The following MADCAM1 variants were observed in gnomAD, a reference collection of about 807,000 sequenced individuals.
MADCAM1 encodes the protein mucosal vascular addressin cell adhesion molecule 1.
In MADCAM1, 19 loss-of-function variants were observed where a neutral mutation model predicts 26.1. That is an observed-to-expected ratio of 0.73 (90% confidence interval 0.51 to 1.07). The LOEUF (loss-of-function observed/expected upper bound fraction) is 1.07, where lower values mean the gene tolerates loss of function less well. Ranked by LOEUF, MADCAM1 falls within the 50% of genes least tolerant of loss-of-function variation. MADCAM1 has a pLI of 0.00. For synonymous variants in MADCAM1, 268 were observed against 260.9 expected, an observed-to-expected ratio of 1.03 and a Z score of -0.26; for missense variants, 514 against 542.1, an observed-to-expected ratio of 0.95 and a Z score of 0.51.
chr19:497,897 G>T lies in MADCAM1; in HGVS notation c.117G>T (p.Leu39Phe). The T allele has an allele frequency of 1.5e-6, 2 of 1,366,722 alleles. No individual in the cohort carries two copies. The highest frequency in any genetic ancestry group is 1.9e-6 in the Non-Finnish European group (2 of 1,067,252). 84.7% of individuals were successfully genotyped at this position (1,366,722 alleles called of 1,614,324 possible). The change falls in exon 2 of 5, where the codon TTG becomes TTT. Residue 39 changes from leucine to phenylalanine, a missense_variant. Leu to Phe is a conservative substitution (Grantham distance 22, BLOSUM62 0). Coordinates refer to ENST00000215637, the MANE Select transcript of MADCAM1 (RefSeq NM_130760.3). The stretch of plus-strand genomic sequence containing the variant: ...CGGAGCCGGTGGTGGCCGTGGCCTT[G>T]GGCGCCTCGCGCCAGCTCACCTGCC... ...EPPEPVVAVA[L>F]GASRQLTCRL... is the part of the protein sequence containing the mutation.
chr19:503,396 A>T (rs900651280), intron 4 of MADCAM1, among the ~76,000 whole-genome samples: 1 of 151,246 alleles, frequency 6.6e-6, no homozygotes, highest in Non-Finnish European at 1.5e-5. Flanking sequence ...CCTGGCTAAC[A>T]CGGTGAAACC....
chr19:504,710 G>A, intron 4 of MADCAM1, 35 bp from the exon 5 acceptor site: 4 of 1,505,870 alleles, frequency 2.7e-6, no homozygotes, highest in East Asian at 4.6e-5. Flanking sequence ...AGGCCTGGAG[G>A]GCTCTGACCG....
At chr19:503,979 C>T (rs957858287) in intron 4 of MADCAM1, among the ~76,000 whole-genome samples, 1 of 150,882 alleles carries the variant, frequency 6.6e-6, no homozygotes, top group Non-Finnish European at 1.5e-5. Context: ...CACTTGAACC[C>T]GGGAGGCGGA....
chr19:499,491 C>G (rs1003017659), intron 3 of MADCAM1, among the ~76,000 whole-genome samples: 7 of 152,150 alleles, frequency 4.6e-5, no homozygotes, highest in African/African-American at 1.7e-4. Flanking sequence ...CAAGCACACA[C>G]GGGAACAAAC....
At chr19:498,189 T>G in intron 2 of MADCAM1, 72 bp downstream of exon 2, 1 of 1,284,276 alleles carries the variant, frequency 7.8e-7, no homozygotes. Context: ...CACCTCTTCC[T>G]GGAAGCCTCC....
chr19:497,779 G>T (rs1481221106), intron 1 of MADCAM1, 54 bp from the exon 2 acceptor site: 1 of 1,228,780 alleles, frequency 8.1e-7, no homozygotes, highest in Admixed American at 4.3e-5. Flanking sequence ...AGGGCCGGTG[G>T]CGGGGCGGGG....
At chr19:498,446 G>C (rs1307008487) in intron 2 of MADCAM1, 50 bp from the exon 3 acceptor site, 1 of 1,424,758 alleles carries the variant, frequency 7.0e-7, no homozygotes, top group South Asian at 1.7e-5. Context: ...CCTCCATCAC[G>C]TCCAGCCCTG....
Position 498,344 on chromosome 19 carries a change from C to T in MADCAM1, c.338-152C>T, listed in dbSNP as rs372274141. 2,799 of 932,440 alleles carry T rather than the reference C, an allele frequency of 3.0e-3. 121 individuals carry two copies. In the South Asian group the frequency reaches 0.076, roughly 25 times the overall value. The allele number at this position is 932,440 out of a possible 1,614,324, so 57.8% of individuals were successfully genotyped here. On this transcript the variant is annotated intron_variant, in intron 2 of 4. Transcript: ENST00000215637. ...ATTCCAGCCTCCCAGGGTGGGGCCA[C>T]GGGGCCTGCGCACAGGCCGTCCCTA... is the stretch of plus-strand genomic sequence containing the variant.
Position 498,078 on chromosome 19 carries a change from G to A in MADCAM1, c.298G>A (p.Gly100Ser). Residue 100 changes from glycine to serine, a missense_variant, in exon 2 of 5, where the codon GGC (glycine) becomes AGC (serine). Gly to Ser is a moderately conservative substitution (Grantham distance 56). Transcript: ENST00000215637. ...GTRVCVGSCG[G>S]RTFQHTVQLL... ...CCGCGTGTGCGTGGGCTCCTGCGGG[G>A]GCCGCACCTTCCAGCACACCGTGCA... 2 of 1,452,022 alleles carry A rather than the reference G, an allele frequency of 1.4e-6. No homozygotes were observed. The highest frequency in any genetic ancestry group is 2.7e-5 in the East Asian group (1 of 36,674). 89.9% of individuals were successfully genotyped at this position (1,452,022 alleles called of 1,614,324 possible). A position where few individuals can be genotyped will look rare whatever the true frequency, so the allele number is the denominator to read the frequency against.
At chr19:501,307 G>A (rs1978323086) in intron 3 of MADCAM1, among the ~76,000 whole-genome samples, 3 of 151,478 alleles carry the variant, frequency 2.0e-5, no homozygotes, top group Admixed American at 2.0e-4. Context: ...CCAACATGGA[G>A]AAACCCCATC....
rs749060577 is a variant in MADCAM1 at position 498,601 on chromosome 19, CCTT to C, written c.446_448del (p.Phe149del). 10 of 1,485,500 alleles carry C rather than the reference CCTT, an allele frequency of 6.7e-6. No individual in the cohort carries two copies. Among genetic ancestry groups the C allele is most frequent in the African/African-American group, 2.9e-5 (2 of 69,382 alleles). 92.0% of individuals were successfully genotyped at this position (1,485,500 alleles called of 1,614,324 possible). ...ACGCCCGTGGACCCCAACGCGCTCT[CCTT>C]CTCCCTGCTCGTCGGGGGCCAGGAA... On this transcript the variant is annotated inframe_deletion, in exon 3 of 5. Coordinates refer to ENST00000215637, the MANE Select transcript of MADCAM1 (RefSeq NM_130760.3).
chr19:502,324 C>G (rs1253890438), intron 4 of MADCAM1, among the ~76,000 whole-genome samples: 1 of 150,940 alleles, frequency 6.6e-6, no homozygotes, highest in East Asian at 1.9e-4. Context: ...TTTTGTGAGA[C>G]AGAGTCTCGC....
rs530532155 is a variant in MADCAM1, at chr19:498,039, T to G, written c.259T>G (p.Ser87Ala). 1.9e-5 allele frequency: 29 copies of G among 1,491,266 alleles called. No individual in the cohort carries two copies. The South Asian group carries it at 3.7e-4, about 19-fold the overall frequency. The allele number at this position is 1,491,266 out of a possible 1,614,324, so 92.4% of individuals were successfully genotyped here. A position where few individuals can be genotyped will look rare whatever the true frequency, so the allele number is the denominator to read the frequency against. Reference protein sequence around the residue: ...SVLTVRNASLSAAGTRVCVGS... With the variant: ...SVLTVRNASLAAAGTRVCVGS... The stretch of plus-strand genomic sequence containing the variant: ...CCTCACCGTGCGCAACGCCTCGCTG[T>G]CGGCGGCCGGGACCCGCGTGTGCGT... Residue 87 changes from serine (S) to alanine (A), a missense_variant, in exon 2 of 5, where the codon TCG becomes GCG. By Grantham distance (99) the Ser-to-Ala change is moderately conservative. Transcript: ENST00000215637.
chr19:503,667 G>A (rs547740342), intron 4 of MADCAM1, among the ~76,000 whole-genome samples: 5 of 151,962 alleles, frequency 3.3e-5, no homozygotes, highest in African/African-American at 4.8e-5. Context: ...TTGGGAGGCC[G>A]AGGCAGGAGG....
intron 1 of MADCAM1, 100 bp downstream of exon 1, chr19:496,651 G>C: frequency 1.6e-6 from 1 of 622,442 alleles, no homozygotes; most frequent in Non-Finnish European, 2.0e-6. Context: ...GGAGAGAGGA[G>C]AGGGCCCGGG....
At chr19:501,955 G>C (rs751908302) in intron 4 of MADCAM1, 26 bp downstream of exon 4, 2 of 1,223,144 alleles carry the variant, frequency 1.6e-6, no homozygotes, top group African/African-American at 3.1e-5. Flanking sequence ...TGGGGGCAGG[G>C]AGGGTGGGAA....
chr19:498,895 G>A, intron 3 of MADCAM1, 70 bp downstream of exon 3: 10 of 953,040 alleles, frequency 1.0e-5, no homozygotes, highest in South Asian at 1.4e-5. Context: ...GACGGGGTGG[G>A]GGGGTGGGGG....
chr19:504,909 G>A lies in MADCAM1; in HGVS notation c.1093G>A (p.Val365Met), dbSNP rs752710973. ...PPASLRLLPQ[V>M]SAWAGLRGTG... ...AGCTTCTCTGAGGCTTCTGCCCCAG[G>A]TGTCGGCCTGGGCTGGGTTAAGGGG... The change falls in exon 5 of 5, where the codon GTG becomes ATG. Residue 365 changes from valine to methionine, a missense_variant. Coordinates refer to ENST00000215637, the MANE Select transcript of MADCAM1 (RefSeq NM_130760.3). The A allele has an allele frequency of 1.9e-6, 3 of 1,612,440 alleles. No individual in the cohort carries two copies. In the South Asian group the frequency reaches 3.3e-5, roughly 18 times the overall value.
At position 505,202 on chromosome 19, in the gene MADCAM1, G is replaced by A. The variant is rs1176518136; in HGVS notation, c.*237G>A. 5 of 447,218 alleles carry A rather than the reference G, an allele frequency of 1.1e-5. No homozygotes were observed. The highest frequency in any genetic ancestry group is 2.0e-5 in the Non-Finnish European group (5 of 252,138). 27.7% of individuals were successfully genotyped at this position (447,218 alleles called of 1,614,324 possible). A position where few individuals can be genotyped will look rare whatever the true frequency, so the allele number is the denominator to read the frequency against. ...CTGAGTGGTCCCCACCTTTCTGGAC[G>A]GAACCACGTACTTTTTACATACATT... is the stretch of plus-strand genomic sequence containing the variant. On this transcript the variant is annotated 3_prime_UTR_variant, in exon 5 of 5. Coordinates refer to ENST00000215637, the MANE Select transcript of MADCAM1 (RefSeq NM_130760.3).
Sources: allele counts gnomAD v4.1 joint callset (sites outside exome capture counted in the v4.1 genomes callset), GRCh38; gene constraint gnomAD v4.1.1; transcripts MANE v1.5; gene names NCBI Gene and HGNC (gene_info 2026-07-23, HGNC 2026-07-21).